Variants in ERC1 observed in about 807,000 individuals in gnomAD.
ERC1 encodes RAB6 interacting protein 2.
Under a neutral mutation model 132.0 loss-of-function variants are expected in ERC1, and 56 were observed. That is an observed-to-expected ratio of 0.42 (90% CI 0.34 to 0.53). The LOEUF is 0.53. Ranked by LOEUF, ERC1 falls within the 20% of genes least tolerant of loss-of-function variation. The pLI, the probability that ERC1 is intolerant of heterozygous loss-of-function variation, is 0.03. For missense variants in ERC1, 1,202 were observed against 1,349.9 expected (o/e 0.89, Z 1.72); for synonymous variants, 478 against 476.1 (o/e 1.00, Z -0.05).
intron 12 of ERC1, among the ~76,000 whole-genome samples, chr12:1,230,662 G>T (rs995212845): frequency 6.6e-6 from 1 of 152,122 alleles, no homozygotes; most frequent in Admixed American, 6.5e-5. Context: ...TAAAAGTGGG[G>T]TAGTAAAGTC....
intron 3 of ERC1, among the ~76,000 whole-genome samples, chr12:1,084,061 G>C (rs892880213): frequency 6.6e-6 from 1 of 152,118 alleles, no homozygotes; most frequent in Non-Finnish European, 1.5e-5. Flanking sequence ...CTGTTGCCTT[G>C]CTGTAAAAGA....
At chr12:1,183,802 C>T (rs1954756321) in intron 11 of ERC1, among the ~76,000 whole-genome samples, 1 of 151,918 alleles carries the variant, frequency 6.6e-6, no homozygotes, top group Non-Finnish European at 1.5e-5. Flanking sequence ...ATTACTTGAT[C>T]AGGAGTTGGA....
intron 2 of ERC1, among the ~76,000 whole-genome samples, chr12:1,047,759 G>A (rs983046116): frequency 6.6e-6 from 1 of 152,126 alleles, no homozygotes; most frequent in African/African-American, 2.4e-5. Flanking sequence ...TTAGTTTTGT[G>A]CTCCTCTGAA....
intron 2 of ERC1, among the ~76,000 whole-genome samples, chr12:1,056,145 T>G (rs1378042793): frequency 6.6e-6 from 1 of 152,072 alleles, no homozygotes; most frequent in African/African-American, 2.4e-5. Context: ...AAAATTTTTT[T>G]TGTGATTTTT....
intron 2 of ERC1, among the ~76,000 whole-genome samples, chr12:1,076,225 T>C (rs1941312213): frequency 6.6e-6 from 1 of 152,196 alleles, no homozygotes; most frequent in South Asian, 2.1e-4. Context: ...TGAAAGATTC[T>C]TGTTGACTGT....
At chr12:1,283,956 T>C (rs1040647450) in intron 14 of ERC1, among the ~76,000 whole-genome samples, 1 of 152,180 alleles carries the variant, frequency 6.6e-6, no homozygotes, top group South Asian at 2.1e-4. Flanking sequence ...CAATAAATGA[T>C]TTAACTATAG....
At chr12:1,357,114 C>T (rs766540932) in intron 15 of ERC1, among the ~76,000 whole-genome samples, 2 of 152,126 alleles carry the variant, frequency 1.3e-5, no homozygotes, top group South Asian at 4.2e-4. Flanking sequence ...CGGATACTTA[C>T]GCATTGGAGC....
At chr12:1,350,782 G>A (rs1175971830) in intron 15 of ERC1, among the ~76,000 whole-genome samples, 1 of 152,310 alleles carries the variant, frequency 6.6e-6, no homozygotes, top group East Asian at 1.9e-4. Flanking sequence ...TCATGGTTCT[G>A]TGGGCTAAGA....
chr12:1,143,329 C>CGT (rs4017792), intron 8 of ERC1, among the ~76,000 whole-genome samples: 8,855 of 128,806 alleles, frequency 0.069, 397 homozygotes, highest in East Asian at 0.1. Context: ...GCTTTTGACT[C>CGT]GTGTGTGTGT....
intron 18 of ERC1, among the ~76,000 whole-genome samples, chr12:1,462,823 T>TA (rs1220865838): frequency 1.3e-5 from 2 of 152,012 alleles, no homozygotes; most frequent in African/African-American, 2.4e-5. Context: ...TGGCAACGTT[T>TA]AAAAAAAATA....
At chr12:1,051,510 C>A (rs1971967137) in intron 2 of ERC1, among the ~76,000 whole-genome samples, 1 of 138,798 alleles carries the variant, frequency 7.2e-6, no homozygotes, top group African/African-American at 2.9e-5. Context: ...GGCTACATAG[C>A]AAGGCCTCGT....
intron 8 of ERC1, among the ~76,000 whole-genome samples, chr12:1,150,845 T>C (rs1003990199): frequency 3.9e-5 from 6 of 152,148 alleles, no homozygotes; most frequent in Non-Finnish European, 5.9e-5. Flanking sequence ...CAAGGAGACA[T>C]GCCATCCAAA....
intron 7 of ERC1, among the ~76,000 whole-genome samples, chr12:1,136,290 T>G (rs150862026): frequency 6.6e-6 from 1 of 152,348 alleles, no homozygotes; most frequent in East Asian, 1.9e-4. Flanking sequence ...CTAATCTTCA[T>G]TATTTGTGGT....
intron 15 of ERC1, among the ~76,000 whole-genome samples, chr12:1,308,580 C>G (rs879640658): frequency 2.0e-5 from 3 of 152,130 alleles, no homozygotes; most frequent in African/African-American, 7.2e-5. Flanking sequence ...AAATACTTAA[C>G]AGTTCCTAAC....
At chr12:1,192,987 A>G (rs1266499016) in intron 12 of ERC1, among the ~76,000 whole-genome samples, 1 of 152,234 alleles carries the variant, frequency 6.6e-6, no homozygotes, top group East Asian at 1.9e-4. Flanking sequence ...TTCAGCATGT[A>G]GAATTAATTT....
At chr12:1,311,274 G>T (rs2081284467) in intron 15 of ERC1, among the ~76,000 whole-genome samples, 1 of 152,078 alleles carries the variant, frequency 6.6e-6, no homozygotes, top group South Asian at 2.1e-4. Flanking sequence ...AAAACTACTT[G>T]GCAAGAAAAA....
intron 7 of ERC1, among the ~76,000 whole-genome samples, chr12:1,118,436 A>G (rs1003512441): frequency 6.6e-6 from 1 of 152,124 alleles, no homozygotes; most frequent in African/African-American, 2.4e-5. Flanking sequence ...TAGAGAATAG[A>G]TTGTATTTAT....
rs1177811480 is a variant in ERC1 at position 1,278,593 on chromosome 12, T to C, written c.2620-11259T>C. On this transcript the variant is annotated intron_variant, in intron 14 of 18. Coordinates refer to ENST00000360905, the MANE Select transcript of ERC1 (RefSeq NM_178040.4). ...TTTAATGGAATCAGATTCTGAATAT[T>C]GATAGATTAGAAAACAACACAAATC... Among the ~76,000 whole-genome samples the C allele has an allele frequency of 2.0e-5, 3 of 152,346 alleles. No individual in the cohort carries two copies. The East Asian group carries it at 5.8e-4, about 29-fold the overall frequency.
chr12:1,226,499 A>G (rs537047976), intron 12 of ERC1, among the ~76,000 whole-genome samples: 1 of 152,162 alleles, frequency 6.6e-6, no homozygotes, highest in Non-Finnish European at 1.5e-5. Flanking sequence ...ATAGTCTACC[A>G]TGCTGTACAC....
Sources: allele counts gnomAD v4.1 joint callset (sites outside exome capture counted in the v4.1 genomes callset), GRCh38; gene constraint gnomAD v4.1.1; transcripts MANE v1.5; gene names NCBI Gene and HGNC (gene_info 2026-07-23, HGNC 2026-07-21).